Variants in NLRP1 observed in about 807,000 individuals in gnomAD.
NLRP1 encodes NACHT, LRR and PYD domains-containing protein 1.
A neutral mutation model predicts 136.7 loss-of-function variants in NLRP1; 94 were observed. The ratio of observed to expected loss-of-function variants is 0.69; its 90% CI spans 0.58 to 0.82. NLRP1 has a LOEUF of 0.82. NLRP1 is among the 40% of genes least tolerant of loss of function. The pLI is 0.00. For synonymous variants in NLRP1, 690 were observed against 725.1 expected (o/e 0.95, Z 0.78); for missense variants, 1,575 against 1,802.7 (o/e 0.87, Z 2.29).
intron 12 of NLRP1, among the ~76,000 whole-genome samples, chr17:5,529,497 A>G (rs559303632): frequency 6.6e-6 from 1 of 151,546 alleles, no homozygotes; most frequent in Non-Finnish European, 1.5e-5. Context: ...CCTTCCGAGT[A>G]GCTGGGACTA....
At chr17:5,518,287 T>C (rs752379999) in intron 14 of NLRP1, 44 of 176,938 alleles carry the variant, frequency 2.5e-4, no homozygotes, top group Admixed American at 5.0e-4. Context: ...GACAGAACTC[T>C]TGATTCCCCA....
chr17:5,558,503 C>G lies in NLRP1; in HGVS notation c.2193G>C (p.Leu731=), dbSNP rs775139893. 2.5e-6 allele frequency: 4 copies of G among 1,614,034 alleles called. No individual in the cohort carries two copies. The highest frequency in any genetic ancestry group is 3.4e-6 in the Non-Finnish European group (4 of 1,179,996). Residue 731 remains leucine (L), a synonymous_variant, in exon 4 of 17, where the codon CTG becomes CTC. Coordinates refer to ENST00000572272, the MANE Select transcript of NLRP1 (RefSeq NM_033004.4). ...CLYETRNKTF[L]TQVMAHFEEM... is the part of the protein sequence containing the mutation. Reference sequence around the variant, plus strand: ...CTTCGAAATGGGCCATCACTTGTGTCAGGAACGTTTTGTTCCGAGTCTCGT... The same window carrying G: ...CTTCGAAATGGGCCATCACTTGTGTGAGGAACGTTTTGTTCCGAGTCTCGT...
chr17:5,550,226 C>T (rs1309209998), intron 5 of NLRP1, among the ~76,000 whole-genome samples: 10 of 151,818 alleles, frequency 6.6e-5, no homozygotes, highest in Non-Finnish European at 1.2e-4. Context: ...CAAATTGGCA[C>T]GTGTTCTCTT....
In NLRP1 at chr17:5,559,565, C is replaced by G. The variant is rs771737101; in HGVS notation, c.1131G>C (p.Val377=). ...FSCRELAQSK[V]VSLAELIGKD... ...TTCCGATGAGCTCAGCGAGACTCAC[C>G]ACCTTGGACTGGGCCAGCTCTCTGC... is the stretch of plus-strand genomic sequence containing the variant. Residue 377 remains valine (V), a synonymous_variant, in exon 4 of 17, where the codon GTG becomes GTC. Transcript: ENST00000572272. 2 of 1,614,198 alleles carry G rather than the reference C, an allele frequency of 1.2e-6. No individual in the cohort carries two copies. The highest frequency in any genetic ancestry group is 1.7e-6 in the Non-Finnish European group (2 of 1,180,038).
At chr17:5,526,205 T>TGGGCTCAAGTCATCCTCCC (rs1909532175) in intron 12 of NLRP1, among the ~76,000 whole-genome samples, 1 of 152,190 alleles carries the variant, frequency 6.6e-6, no homozygotes, top group African/African-American at 2.4e-5. Context: ...CTCAGACTCC[T>TGGGCTCAAGTCATCCTCCC]GGGCTCAAGT....
intron 6 of NLRP1, 142 bp from the exon 7 acceptor site, chr17:5,539,727 G>C: frequency 7.2e-7 from 1 of 1,383,574 alleles, no homozygotes; most frequent in South Asian, 1.6e-5. Flanking sequence ...AACTTTCCTG[G>C]CTTGCGGTAA....
chr17:5,511,874 CTT>C (rs1410095640), downstream of NLRP1, among the ~76,000 whole-genome samples: 884 of 149,612 alleles, frequency 5.9e-3, 5 homozygotes, highest in Middle Eastern at 0.014. Context: ...CTTTCTCTCT[CTT>C]CTTTCTTCTT....
At position 5,533,920 on chromosome 17, in the gene NLRP1, A is replaced by C. The variant is rs1910689796; in HGVS notation, c.3029T>G (p.Leu1010Arg). Residue 1010 changes from leucine (L) to arginine (R), a missense_variant, in exon 9 of 17, where the codon CTC becomes CGC. Physicochemically the swap from Leu to Arg is moderately radical, Grantham distance 102. Transcript: ENST00000572272. ...ACCTGATCCGAGTCTCTGCCGCTTG[A>C]GTGAGGATGTGCTATTACTCATCTC... is the stretch of plus-strand genomic sequence containing the variant. ...TGEMSNSTSS[L>R]KRQRLGSERA... The C allele has an allele frequency of 6.2e-7, 1 of 1,612,454 alleles. No homozygotes were observed. The highest frequency in any genetic ancestry group is 8.5e-7 in the Non-Finnish European group (1 of 1,179,018).
At chr17:5,512,363 G>A (rs1374102744), downstream of NLRP1, 13 of 1,253,276 alleles carry the variant, frequency 1.0e-5, no homozygotes, top group Admixed American at 3.4e-5. Flanking sequence ...GTTATTTCGT[G>A]ATCTGTGGAC....
chr17:5,572,069 C>T (rs1904424593), intron 3 of NLRP1, among the ~76,000 whole-genome samples: 1 of 152,132 alleles, frequency 6.6e-6, no homozygotes, highest in South Asian at 2.1e-4. Context: ...AAACTGGACC[C>T]CTTCCTGATA....
intron 3 of NLRP1, among the ~76,000 whole-genome samples, chr17:5,562,564 A>G (rs560763001): frequency 7.9e-5 from 12 of 152,216 alleles, no homozygotes; most frequent in Non-Finnish European, 1.2e-4. Context: ...CCTGTCCCCA[A>G]CACACACAGA....
intron 3 of NLRP1, among the ~76,000 whole-genome samples, chr17:5,562,854 C>T (rs1372048028): frequency 2.0e-5 from 3 of 152,214 alleles, no homozygotes; most frequent in Admixed American, 1.3e-4. Context: ...CTTTGGCCTG[C>T]ACCCCCACTG....
chr17:5,545,351 CACACACAGACACCCACACAG>C (rs1230879871), intron 5 of NLRP1, among the ~76,000 whole-genome samples: 1 of 143,892 alleles, frequency 6.9e-6, no homozygotes, highest in Non-Finnish European at 1.5e-5. Flanking sequence ...CACACACACA[CACACACAGACACCCACACAG>C]ACACAGACAC....
At chr17:5,523,657 A>T (rs905515437) in intron 12 of NLRP1, among the ~76,000 whole-genome samples, 2 of 152,214 alleles carry the variant, frequency 1.3e-5, no homozygotes, top group African/African-American at 4.8e-5. Flanking sequence ...TGGGAGAGAC[A>T]CTGGCCTAGG....
chr17:5,582,302 A>T (rs942913488), intron 2 of NLRP1, among the ~76,000 whole-genome samples: 1 of 152,098 alleles, frequency 6.6e-6, no homozygotes, highest in Non-Finnish European at 1.5e-5. Flanking sequence ...TGGAAAACAG[A>T]GTCCTCCTTG....
Position 5,528,213 on chromosome 17 carries a change from C to T in NLRP1, c.3520+2268G>A, listed in dbSNP as rs1909801763. ...TTCTTGATAGAGTACCTGGGGATCC[C>T]TGGCCACGGTCTCACTTGTGGAAGA... On this transcript the variant is annotated intron_variant, in intron 12 of 16. Transcript: ENST00000572272. Among the ~76,000 whole-genome samples the T allele has an allele frequency of 1.3e-5, 2 of 152,212 alleles. 1 individual carries two copies. Among genetic ancestry groups the T allele is most frequent in the South Asian group, 4.1e-4 (2 of 4,830 alleles).
chr17:5,573,189 G>C (rs931126130), intron 3 of NLRP1, among the ~76,000 whole-genome samples: 19 of 152,210 alleles, frequency 1.2e-4, no homozygotes, highest in Admixed American at 3.9e-4. Flanking sequence ...CTGGCTCAGA[G>C]GGTCCTGTAC....
intron 4 of NLRP1, 116 bp from the exon 5 acceptor site, chr17:5,553,672 T>C: frequency 1.1e-6 from 1 of 877,438 alleles, no homozygotes; most frequent in South Asian, 1.7e-5. Context: ...CCACAGCGGG[T>C]AGTGCCATCT....
At chr17:5,501,558 C>T in exon 16 of NLRP1, 2 of 391,774 alleles carry the variant, frequency 5.1e-6, no homozygotes, top group East Asian at 4.5e-5. Flanking sequence ...TGGTGCATTT[C>T]TCTGCCTTCT....
Sources: allele counts gnomAD v4.1 joint callset (sites outside exome capture counted in the v4.1 genomes callset), GRCh38; gene constraint gnomAD v4.1.1; transcripts MANE v1.5; gene names NCBI Gene and HGNC (gene_info 2026-07-23, HGNC 2026-07-21).